FREM2: variants seen among roughly 807,000 people sequenced by gnomAD.
FREM2 encodes FRAS1-related extracellular matrix protein 2.
In FREM2, 119 loss-of-function variants were observed where a neutral mutation model predicts 219.9. The ratio of observed to expected loss-of-function variants is 0.54; its 90% CI spans 0.47 to 0.63. The LOEUF is 0.63. Ranked by LOEUF, FREM2 falls within the 30% of genes least tolerant of loss-of-function variation. The probability of loss-of-function intolerance (pLI) is 0.00; values close to 1 mark genes in which losing one functional copy is unlikely to be tolerated. For missense variants in FREM2, 4,030 were observed against 3,993.6 expected (o/e 1.01, Z -0.25); for synonymous variants, 1,562 against 1,522.8 (o/e 1.03, Z -0.60).
At position 38,883,524 on chromosome 13, in the gene FREM2, T is replaced by G. The variant is rs1440779523; in HGVS notation, c.*2737T>G. Reference sequence around the variant, plus strand: ...CAAAAATAAATATTATTCAAGTGGCTCTTCTAAGCATGTGAATCATGAAGC... The same window carrying G: ...CAAAAATAAATATTATTCAAGTGGCGCTTCTAAGCATGTGAATCATGAAGC... On this transcript the variant is annotated 3_prime_UTR_variant, in exon 24 of 24. Coordinates refer to ENST00000280481, the MANE Select transcript of FREM2 (RefSeq NM_207361.6). 1 of 152,172 alleles carries G rather than the reference T, an allele frequency of 6.6e-6. No homozygotes were observed. The highest frequency in any genetic ancestry group is 6.5e-5 in the Admixed American group (1 of 15,274). 9.4% of individuals were successfully genotyped at this position (152,172 alleles called of 1,614,324 possible). A position where few individuals can be genotyped will look rare whatever the true frequency, so the allele number is the denominator to read the frequency against.
Position 38,688,838 on chromosome 13 carries a change from C to G in FREM2, c.1494C>G (p.Ser498=). 1.2e-6 allele frequency: 2 copies of G among 1,613,832 alleles called. No homozygotes were observed. Among genetic ancestry groups the G allele is most frequent in the South Asian group, 2.2e-5 (2 of 91,078 alleles). Residue 498 remains serine (S), a synonymous_variant, in exon 1 of 24, where the codon TCC becomes TCG. Coordinates refer to ENST00000280481, the MANE Select transcript of FREM2 (RefSeq NM_207361.6). The part of the protein sequence containing the change: ...RHGHLVILGA[S]SGSSAPKSFT... Reference sequence around the variant, plus strand: ...GTCACCTTGTCATTCTGGGTGCTTCCAGTGGCAGCTCTGCTCCCAAGAGCT... The same window carrying G: ...GTCACCTTGTCATTCTGGGTGCTTCGAGTGGCAGCTCTGCTCCCAAGAGCT...
rs148355700 is a variant in FREM2 at position 38,792,206 on chromosome 13, G to A, written c.6019+7398G>A. 1.6e-3 allele frequency among the ~76,000 whole-genome samples: 236 copies of A among 152,152 alleles called. 1 individual carries two copies. Among genetic ancestry groups the A allele is most frequent in the African/African-American group, 5.4e-3 (224 of 41,500 alleles). On this transcript the variant is annotated intron_variant, in intron 6 of 23. Coordinates refer to ENST00000280481, the MANE Select transcript of FREM2 (RefSeq NM_207361.6). ...TACTAAAAATACAAAAAACTTAGCCGGGTGTGGTGGCACGTGCCTGTAATC... is the reference window on the plus strand; with the variant it reads ...TACTAAAAATACAAAAAACTTAGCCAGGTGTGGTGGCACGTGCCTGTAATC...
At chr13:38,842,558 G>A (rs1482750035) in intron 6 of FREM2, among the ~76,000 whole-genome samples, 3 of 151,988 alleles carry the variant, frequency 2.0e-5, no homozygotes, top group African/African-American at 4.8e-5. Context: ...TTTCAGCACC[G>A]GACAAAAAAG....
At chr13:38,730,941 T>TG (rs1871741206) in intron 2 of FREM2, among the ~76,000 whole-genome samples, 1 of 151,974 alleles carries the variant, frequency 6.6e-6, no homozygotes, top group African/African-American at 2.4e-5. Flanking sequence ...TTTTTTTTTT[T>TG]TCACCACAGT....
At chr13:38,841,691 T>G (rs1876970380) in intron 6 of FREM2, among the ~76,000 whole-genome samples, 1 of 152,210 alleles carries the variant, frequency 6.6e-6, no homozygotes, top group Admixed American at 6.5e-5. Context: ...GGCTCTTCCT[T>G]CTGAGGCTTC....
chr13:38,753,303 A>T (rs1181253727), intron 2 of FREM2, among the ~76,000 whole-genome samples: 1 of 152,208 alleles, frequency 6.6e-6, no homozygotes, highest in Non-Finnish European at 1.5e-5. Flanking sequence ...AACACATTTT[A>T]AAATAGTCTT....
At chr13:38,755,990 A>T (rs1208354842) in intron 2 of FREM2, among the ~76,000 whole-genome samples, 1 of 152,194 alleles carries the variant, frequency 6.6e-6, no homozygotes, top group Non-Finnish European at 1.5e-5. Context: ...ATGGCCAGGG[A>T]CAGATGGCTG....
intron 15 of FREM2, 109 bp downstream of exon 15, chr13:38,861,671 C>T: frequency 8.2e-7 from 1 of 1,215,982 alleles, no homozygotes; most frequent in South Asian, 1.2e-5. Context: ...GTTCAATTTG[C>T]AACTTGAGCT....
rs376427701 is a variant in FREM2 at position 38,688,552 on chromosome 13, A to G, written c.1208A>G (p.Asp403Gly). Residue 403 changes from aspartate to glycine, a missense_variant, in exon 1 of 24, where the codon GAC becomes GGC. Transcript: ENST00000280481. ...TACCAGCCCCCTTCTGAAGACTCTG[A>G]CCAGGAGCGCCTCTTTGAACTGGAA... Reference protein sequence around the residue: ...IAYQPPSEDSDQERLFELELE... With the variant: ...IAYQPPSEDSGQERLFELELE... The G allele has an allele frequency of 6.2e-7, 1 of 1,613,666 alleles. No homozygotes were observed. The highest frequency in any genetic ancestry group is 1.7e-5 in the Admixed American group (1 of 59,988).
chr13:38,846,866 G>A, intron 7 of FREM2, 144 bp downstream of exon 7: 1 of 870,188 alleles, frequency 1.1e-6, no homozygotes, highest in South Asian at 1.5e-5. Flanking sequence ...TACTCTAGGA[G>A]GTAAATCTAG....
chr13:38,846,592 T>C lies in FREM2; in HGVS notation c.6039T>C (p.Gly2013=), dbSNP rs1290774915. 3.1e-6 allele frequency: 5 copies of C among 1,613,592 alleles called. No homozygotes were observed. The highest frequency in any genetic ancestry group is 8.5e-7 in the Non-Finnish European group (1 of 1,179,744). Reference sequence around the variant, plus strand: ...TAACAGAACCCATCTTTTACTTCGGTGATGTGGAATACTCTGTGGATGAGA... The same window carrying C: ...TAACAGAACCCATCTTTTACTTCGGCGATGTGGAATACTCTGTGGATGAGA... ...DKDDEPIFYF[G]DVEYSVDESA... Residue 2013 remains glycine, a synonymous_variant, in exon 7 of 24, where the codon GGT becomes GGC. Transcript: ENST00000280481.
intron 6 of FREM2, among the ~76,000 whole-genome samples, chr13:38,835,283 C>G (rs1437842459): frequency 2.0e-5 from 3 of 152,080 alleles, no homozygotes; most frequent in African/African-American, 7.2e-5. Context: ...CTTCTGAGGC[C>G]TCTGTTCTGT....
intron 2 of FREM2, among the ~76,000 whole-genome samples, chr13:38,760,578 A>G (rs1873188211): frequency 6.6e-6 from 1 of 152,210 alleles, no homozygotes; most frequent in African/African-American, 2.4e-5. Flanking sequence ...AAATCTTTCA[A>G]GAAGTATGCA....
intron 6 of FREM2, among the ~76,000 whole-genome samples, chr13:38,800,583 G>A (rs1481648904): frequency 2.6e-5 from 4 of 152,114 alleles, no homozygotes; most frequent in Non-Finnish European, 4.4e-5. Context: ...TCCTATATCT[G>A]AATGTCTAGG....
intron 2 of FREM2, among the ~76,000 whole-genome samples, chr13:38,716,041 C>T (rs906359745): frequency 5.9e-5 from 9 of 152,136 alleles, no homozygotes; most frequent in South Asian, 4.2e-4. Context: ...AGCAAGAAGG[C>T]AAATGATTTA....
intron 2 of FREM2, among the ~76,000 whole-genome samples, chr13:38,747,692 T>A (rs1490509174): frequency 1.3e-5 from 2 of 152,182 alleles, no homozygotes; most frequent in Non-Finnish European, 2.9e-5. Flanking sequence ...GAATTGTCTA[T>A]CAGCTTCCTT....
intron 6 of FREM2, among the ~76,000 whole-genome samples, chr13:38,788,483 T>G (rs113949457): frequency 6.6e-6 from 1 of 152,154 alleles, no homozygotes; most frequent in Admixed American, 6.6e-5. Context: ...TTTATAGCAC[T>G]TCAGTGAAAA....
At chr13:38,752,999 A>G (rs974503740) in intron 2 of FREM2, among the ~76,000 whole-genome samples, 1 of 152,184 alleles carries the variant, frequency 6.6e-6, no homozygotes, top group African/African-American at 2.4e-5. Flanking sequence ...GTGTTGCCAG[A>G]GATCTAATAA....
intron 8 of FREM2, 83 bp downstream of exon 8, chr13:38,848,753 T>TTATA (rs1184134479): frequency 1.6e-6 from 2 of 1,224,214 alleles, no homozygotes; most frequent in Admixed American, 4.1e-5. Flanking sequence ...AGCAAGATGA[T>TTATA]TATATATATT....
Sources: allele counts gnomAD v4.1 joint callset (sites outside exome capture counted in the v4.1 genomes callset), GRCh38; gene constraint gnomAD v4.1.1; transcripts MANE v1.5; gene names NCBI Gene and HGNC (gene_info 2026-07-23, HGNC 2026-07-21).